MAPKAPK3: variants seen among roughly 807,000 people sequenced by gnomAD.
The protein encoded by MAPKAPK3 is MAP kinase-activated protein kinase 3.
Under a neutral mutation model 49.2 loss-of-function variants are expected in MAPKAPK3, and 35 were observed. The ratio of observed to expected loss-of-function variants is 0.71; its 90% CI spans 0.54 to 0.94. The LOEUF is 0.94. Ranked by LOEUF, MAPKAPK3 falls within the 40% of genes least tolerant of loss-of-function variation. MAPKAPK3 has a pLI of 0.00. For missense variants in MAPKAPK3, 398 were observed against 493.1 expected, an observed-to-expected ratio of 0.81 and a Z score of 1.83; for synonymous variants, 178 against 188.7, an observed-to-expected ratio of 0.94 and a Z score of 0.46.
chr3:50,624,990 T>C (rs2032704096), intron 2 of MAPKAPK3, among the ~76,000 whole-genome samples: 1 of 152,200 alleles, frequency 6.6e-6, no homozygotes. Flanking sequence ...TCTTGTGTGG[T>C]CCCAGATGAA....
At chr3:50,645,680 G>A in intron 6 of MAPKAPK3, 30 bp from the exon 7 acceptor site, 1 of 1,593,770 alleles carries the variant, frequency 6.3e-7, no homozygotes, top group South Asian at 1.1e-5. Flanking sequence ...CCTTGGGTCT[G>A]AGAGCCCTGC....
intron 2 of MAPKAPK3, among the ~76,000 whole-genome samples, chr3:50,622,900 A>T (rs3792323): frequency 0.056 from 8,596 of 152,278 alleles, 877 homozygotes; most frequent in East Asian, 0.33. Flanking sequence ...AACATGATGG[A>T]TGCAGAGACT....
At chr3:50,631,853 G>A (rs763602730) in intron 2 of MAPKAPK3, among the ~76,000 whole-genome samples, 4 of 152,342 alleles carry the variant, frequency 2.6e-5, no homozygotes, top group Non-Finnish European at 4.4e-5. Flanking sequence ...CTGAGATTTC[G>A]TGTTGAGCAC....
chr3:50,629,287 C>A (rs2107583111), intron 2 of MAPKAPK3, among the ~76,000 whole-genome samples: 1 of 152,180 alleles, frequency 6.6e-6, no homozygotes, highest in East Asian at 1.9e-4. Context: ...CCCAGGTCCC[C>A]AAGGCTGCAC....
chr3:50,646,706 C>G, intron 8 of MAPKAPK3, 34 bp from the exon 9 acceptor site: 6 of 1,513,480 alleles, frequency 4.0e-6, no homozygotes, highest in Non-Finnish European at 5.5e-6. Flanking sequence ...GCTCTGCAAT[C>G]TCATCTCTCC....
In MAPKAPK3 at chr3:50,617,676, C is replaced by G. The variant is rs1397398299; in HGVS notation, c.111C>G (p.Tyr37Ter). 1.9e-6 allele frequency: 3 copies of G among 1,612,606 alleles called. No homozygotes were observed. Among genetic ancestry groups the G allele is most frequent in the Non-Finnish European group, 2.5e-6 (3 of 1,179,188 alleles). The change falls in exon 2 of 11, where the codon TAC becomes TAG. Residue 37 changes from tyrosine to a stop codon, truncating the protein, a stop_gained. Coordinates refer to ENST00000621469, the MANE Select transcript of MAPKAPK3 (RefSeq NM_001243925.2). LOFTEE classifies it high-confidence loss of function. The stretch of plus-strand genomic sequence containing the variant: ...GGGGGCGGCGGGAGCCCAAGAAGTA[C>G]GCAGTGACCGACGACTACCAGTTGT... ...APGGRREPKK[Y>*]AVTDDYQLSK...
At chr3:50,645,096 A>G (rs1432598263) in intron 6 of MAPKAPK3, among the ~76,000 whole-genome samples, 3 of 152,150 alleles carry the variant, frequency 2.0e-5, no homozygotes, top group African/African-American at 4.8e-5. Flanking sequence ...TGGGGTGATG[A>G]CAGAGGGCTT....
At chr3:50,635,139 C>T (rs1156502311) in intron 2 of MAPKAPK3, among the ~76,000 whole-genome samples, 3 of 152,190 alleles carry the variant, frequency 2.0e-5, no homozygotes, top group East Asian at 3.8e-4. Context: ...TGTGCTCATT[C>T]TCATGCCTGG....
Position 50,621,389 on chromosome 3 carries a change from C to T in MAPKAPK3, c.219+3605C>T, listed in dbSNP as rs373059959. Among the ~76,000 whole-genome samples, 14 of 152,114 alleles carry T rather than the reference C, an allele frequency of 9.2e-5. No homozygotes were observed. The Middle Eastern group carries it at 0.01, about 111-fold the overall frequency. On this transcript the variant is annotated intron_variant, in intron 2 of 10. Transcript: ENST00000621469. The stretch of plus-strand genomic sequence containing the variant: ...GGAGGATCACTTGAAGTCTGGAGCT[C>T]GAGACCAACCTGGCCAACCTGGCAA...
chr3:50,618,657 G>A (rs1216402540), intron 2 of MAPKAPK3, among the ~76,000 whole-genome samples: 1 of 152,142 alleles, frequency 6.6e-6, no homozygotes, highest in African/African-American at 2.4e-5. Flanking sequence ...GCTCCTGGAG[G>A]CTAGAAGTAC....
At chr3:50,647,256 G>C in intron 10 of MAPKAPK3, 53 bp downstream of exon 10, 2 of 1,459,472 alleles carry the variant, frequency 1.4e-6, no homozygotes, top group African/African-American at 1.4e-5. Context: ...TGGGCAAAAG[G>C]GACTTCAGGG....
intron 2 of MAPKAPK3, among the ~76,000 whole-genome samples, chr3:50,633,606 G>A (rs1197209746): frequency 6.6e-6 from 1 of 152,194 alleles, no homozygotes; most frequent in Non-Finnish European, 1.5e-5. Context: ...GGGAGGGGTT[G>A]TCTGGGTGCT....
chr3:50,638,792 A>C (rs1021545428), intron 2 of MAPKAPK3, among the ~76,000 whole-genome samples: 6 of 152,222 alleles, frequency 3.9e-5, no homozygotes, highest in Non-Finnish European at 7.3e-5. Context: ...CCCTGTGTAA[A>C]GTGGCCTGGC....
intron 2 of MAPKAPK3, among the ~76,000 whole-genome samples, chr3:50,632,269 G>T (rs1282367588): frequency 1.3e-5 from 2 of 152,218 alleles, no homozygotes; most frequent in Non-Finnish European, 2.9e-5. Flanking sequence ...CTTCATGGGG[G>T]TAATAAAAGC....
intron 2 of MAPKAPK3, among the ~76,000 whole-genome samples, chr3:50,631,547 C>A (rs2032910899): frequency 6.6e-6 from 1 of 152,190 alleles, no homozygotes; most frequent in Non-Finnish European, 1.5e-5. Flanking sequence ...TAATAGCCCA[C>A]ACAGGTGCCA....
chr3:50,635,707 G>A (rs13084771), intron 2 of MAPKAPK3, among the ~76,000 whole-genome samples: 14,111 of 151,310 alleles, frequency 0.093, 808 homozygotes, highest in Non-Finnish European at 0.12. Context: ...CAGCCACCAC[G>A]CCTGGCCAAT....
chr3:50,629,323 CAAG>C (rs1047489696), intron 2 of MAPKAPK3, among the ~76,000 whole-genome samples: 1 of 151,964 alleles, frequency 6.6e-6, no homozygotes, highest in African/African-American at 2.4e-5. Flanking sequence ...TTCTGGGAAA[CAAG>C]GAGGGGAGGA....
At chr3:50,620,755 T>G (rs892035952) in intron 2 of MAPKAPK3, among the ~76,000 whole-genome samples, 3 of 152,180 alleles carry the variant, frequency 2.0e-5, no homozygotes, top group African/African-American at 7.2e-5. Context: ...GCCATTCTAC[T>G]CCATTGTACC....
At chr3:50,635,668 G>C (rs2033019684) in intron 2 of MAPKAPK3, among the ~76,000 whole-genome samples, 1 of 151,422 alleles carries the variant, frequency 6.6e-6, no homozygotes, top group South Asian at 2.1e-4. Context: ...ACCTGCCTCA[G>C]CCTCCCAAAA....
Sources: allele counts gnomAD v4.1 joint callset (sites outside exome capture counted in the v4.1 genomes callset), GRCh38; gene constraint gnomAD v4.1.1; transcripts MANE v1.5; gene names NCBI Gene and HGNC (gene_info 2026-07-23, HGNC 2026-07-21).